SLC12A1: variants seen among roughly 807,000 people sequenced by gnomAD.
SLC12A1 encodes the protein solute carrier family 12 member 1, also known as Na-K-2Cl cotransporter.
SLC12A1 carries 89 observed loss-of-function variants against 130.4 expected under a neutral mutation model. That is an observed-to-expected ratio of 0.68 (90% CI 0.58 to 0.81). SLC12A1 has a LOEUF of 0.81. SLC12A1 is among the 40% of genes least tolerant of loss of function. The pLI, the probability that SLC12A1 is intolerant of heterozygous loss-of-function variation, is 0.00. For synonymous variants in SLC12A1, 499 were observed against 460.0 expected, an observed-to-expected ratio of 1.08 and a Z score of -1.09; for missense variants, 1,310 against 1,336.4, an observed-to-expected ratio of 0.98 and a Z score of 0.31.
At chr15:48,232,981 G>A (rs2041399038) in intron 8 of SLC12A1, 143 bp downstream of exon 8, 1 of 626,250 alleles carries the variant, frequency 1.6e-6, no homozygotes, top group African/African-American at 1.8e-5. Flanking sequence ...CAAAAGAAAT[G>A]GGAAGTACGT....
intron 9 of SLC12A1, among the ~76,000 whole-genome samples, chr15:48,240,649 G>T (rs35012413): frequency 2.2e-4 from 34 of 152,214 alleles, no homozygotes; most frequent in African/African-American, 8.2e-4. Context: ...GTGCTCTGGT[G>T]GGGGGACTCA....
chr15:48,221,134 T>C, intron 4 of SLC12A1, 138 bp downstream of exon 4: 5 of 827,302 alleles, frequency 6.0e-6, no homozygotes, highest in Non-Finnish European at 9.8e-6. Flanking sequence ...ACTTTGCTTC[T>C]TTGACGATGT....
chr15:48,302,850 G>A lies in SLC12A1; in HGVS notation c.3265G>A (p.Gly1089Arg), dbSNP rs1286814609. Residue 1089 changes from glycine to arginine, a missense_variant, in exon 27 of 27, where the codon GGA (glycine) becomes AGA (arginine). Coordinates refer to ENST00000380993, the MANE Select transcript of SLC12A1 (RefSeq NM_000338.3). ...CCTCCCACCTGTCTTACTAGTTAGA[G>A]GAAATCACAAAAATGTCTTGACATT... ...KNLPPVLLVR[G>R]NHKNVLTFYS 6.2e-6 allele frequency: 10 copies of A among 1,612,004 alleles called. No individual in the cohort carries two copies. The highest frequency in any genetic ancestry group is 8.5e-6 in the Non-Finnish European group (10 of 1,178,684).
chr15:48,295,386 T>C (rs67904691), intron 24 of SLC12A1, among the ~76,000 whole-genome samples: 41,344 of 152,096 alleles, frequency 0.27, 6,522 homozygotes, highest in African/African-American at 0.42. Flanking sequence ...AGTCTCTATC[T>C]AGCTGCCATG....
chr15:48,301,752 G>C (rs79812737), intron 26 of SLC12A1, among the ~76,000 whole-genome samples: 9,970 of 152,168 alleles, frequency 0.066, 423 homozygotes, highest in Middle Eastern at 0.13. Context: ...ATGTCCCTGA[G>C]CCACTGTGCC....
At chr15:48,253,806 C>T (rs936540556) in intron 15 of SLC12A1, among the ~76,000 whole-genome samples, 3 of 152,170 alleles carry the variant, frequency 2.0e-5, no homozygotes, top group East Asian at 1.9e-4. Flanking sequence ...AGATGCTCCA[C>T]GTGTTTGTCA....
At position 48,263,302 on chromosome 15, in the gene SLC12A1, C is replaced by T. The variant is rs143308669; in HGVS notation, c.2154+3991C>T. On this transcript the variant is annotated intron_variant, in intron 17 of 26. Coordinates refer to ENST00000380993, the MANE Select transcript of SLC12A1 (RefSeq NM_000338.3). ...ATAAAGTCATTATTGTCCAAAAACA[C>T]GCCACTTACCTCTTTTCTCAATTTT... Among the ~76,000 whole-genome samples, 8 of 152,276 alleles carry T rather than the reference C, an allele frequency of 5.3e-5. No homozygotes were observed. In the East Asian group the frequency reaches 5.8e-4, roughly 11 times the overall value.
chr15:48,220,610 GT>G (rs2041199370), intron 2 of SLC12A1, 23 bp from the exon 3 acceptor site: 2 of 1,607,742 alleles, frequency 1.2e-6, no homozygotes, highest in East Asian at 4.5e-5. Flanking sequence ...CAACTACTGT[GT>G]TTTTGCTATC....
chr15:48,235,173 G>C (rs2041426388), intron 9 of SLC12A1, 169 bp downstream of exon 9: 1 of 756,458 alleles, frequency 1.3e-6, no homozygotes, highest in African/African-American at 1.7e-5. Flanking sequence ...GCCAAATTTG[G>C]ATTTATATTC....
intron 15 of SLC12A1, 115 bp from the exon 16 acceptor site, chr15:48,255,696 C>T: frequency 5.9e-6 from 4 of 675,710 alleles, no homozygotes; most frequent in Non-Finnish European, 1.0e-5. Context: ...TTTGGGCACT[C>T]ATCTTTGCTG....
At chr15:48,237,793 C>A (rs765511206) in intron 9 of SLC12A1, among the ~76,000 whole-genome samples, 3 of 152,022 alleles carry the variant, frequency 2.0e-5, no homozygotes, top group Non-Finnish European at 4.4e-5. Flanking sequence ...GGAGGTTAGA[C>A]AAAGGAATAA....
chr15:48,269,351 C>A (rs2070620446), intron 18 of SLC12A1, among the ~76,000 whole-genome samples: 1 of 152,302 alleles, frequency 6.6e-6, no homozygotes, highest in East Asian at 1.9e-4. Context: ...AACAGTTAAG[C>A]TGACCCTCAC....
At chr15:48,261,382 A>G (rs2041773508) in intron 17 of SLC12A1, among the ~76,000 whole-genome samples, 1 of 152,228 alleles carries the variant, frequency 6.6e-6, no homozygotes, top group South Asian at 2.1e-4. Flanking sequence ...TAGGCACCTC[A>G]GTCTGTGCCA....
chr15:48,244,274 T>C (rs2041551860), intron 10 of SLC12A1, among the ~76,000 whole-genome samples: 1 of 152,198 alleles, frequency 6.6e-6, no homozygotes, highest in African/African-American at 2.4e-5. Context: ...TGTAACTCTG[T>C]TTGATAACTT....
intron 11 of SLC12A1, among the ~76,000 whole-genome samples, chr15:48,246,686 T>C (rs1293635720): frequency 6.6e-6 from 1 of 151,988 alleles, no homozygotes; most frequent in Non-Finnish European, 1.5e-5. Context: ...TAGGCTAAGG[T>C]ACAAGAATCG....
intron 20 of SLC12A1, among the ~76,000 whole-genome samples, chr15:48,280,439 A>G (rs2041999007): frequency 6.6e-6 from 1 of 152,198 alleles, no homozygotes; most frequent in Non-Finnish European, 1.5e-5. Flanking sequence ...TACAGGTCTA[A>G]GCTTTTTCTT....
rs2042045345 is a variant in SLC12A1 at position 48,285,256 on chromosome 15, A to G, written c.2629+7A>G. Reference sequence around the variant, plus strand: ...AAGACAACGCCTAAAAAAGGTAAGAACTTTTTAAAATTTGCAAAAAAGTTT... The same window carrying G: ...AAGACAACGCCTAAAAAAGGTAAGAGCTTTTTAAAATTTGCAAAAAAGTTT... On this transcript the variant is annotated splice_region_variant and intron_variant, in intron 21 of 26. Transcript: ENST00000380993. The G allele has an allele frequency of 6.2e-7, 1 of 1,612,992 alleles. No individual in the cohort carries two copies. The highest frequency in any genetic ancestry group is 8.5e-7 in the Non-Finnish European group (1 of 1,179,618).
chr15:48,248,522 T>C (rs943590461), intron 13 of SLC12A1, among the ~76,000 whole-genome samples: 6 of 152,252 alleles, frequency 3.9e-5, no homozygotes, highest in Admixed American at 6.5e-5. Flanking sequence ...ATAAGCTTCA[T>C]GGCAGCTGTT....
chr15:48,221,241 T>C (rs1237532901), intron 4 of SLC12A1: 1 of 675,714 alleles, frequency 1.5e-6, no homozygotes, highest in Non-Finnish European at 2.7e-6. Flanking sequence ...TCTCTTTTGA[T>C]AGAGTTTTAG....
Sources: allele counts gnomAD v4.1 joint callset (sites outside exome capture counted in the v4.1 genomes callset), GRCh38; gene constraint gnomAD v4.1.1; transcripts MANE v1.5; gene names NCBI Gene and HGNC (gene_info 2026-07-23, HGNC 2026-07-21).